SPC24: variants seen among roughly 807,000 people sequenced by gnomAD.
SPC24 encodes the protein kinetochore protein Spc24.
In SPC24, 31 loss-of-function variants were observed where a neutral mutation model predicts 27.6. That is an observed-to-expected ratio of 1.12 (90% confidence interval 0.84 to 1.52). SPC24 has a LOEUF of 1.52. Ranked by LOEUF, SPC24 falls within the 40% of genes most tolerant of loss-of-function variation. The pLI, the probability that SPC24 is intolerant of heterozygous loss-of-function variation, is 0.00. For missense variants in SPC24, 284 were observed against 252.5 expected (o/e 1.12, Z -0.84); for synonymous variants, 105 against 105.8 (o/e 0.99, Z 0.05).
Position 11,146,958 on chromosome 19 carries a change from TA to T in SPC24, c.*224del, listed in dbSNP as rs559124202. On this transcript the variant is annotated 3_prime_UTR_variant, in exon 5 of 5. Coordinates refer to ENST00000592540, the MANE Select transcript of SPC24 (RefSeq NM_182513.4). ...AGCTGGGTGTGGTGGCGCATGCCTGTAATCCCAGCTACTTTGGAGGCTGAGG... is the reference window on the plus strand; with the variant it reads ...AGCTGGGTGTGGTGGCGCATGCCTGTATCCCAGCTACTTTGGAGGCTGAGG... 2.1e-4 allele frequency: 63 copies of T among 293,320 alleles called. 1 individual carries two copies. The East Asian group carries it at 4.7e-3, about 22-fold the overall frequency. The allele number at this position is 293,320 out of a possible 1,614,324, so 18.2% of individuals were successfully genotyped here. A position where few individuals can be genotyped will look rare whatever the true frequency, so the allele number is the denominator to read the frequency against.
chr19:11,150,988 C>T (rs927120396), intron 1 of SPC24, among the ~76,000 whole-genome samples: 2 of 151,836 alleles, frequency 1.3e-5, no homozygotes, highest in East Asian at 1.9e-4. Context: ...ATGGTGAAAC[C>T]CCGTCTCTAC....
intron 4 of SPC24, 92 bp from the exon 5 acceptor site, chr19:11,147,381 G>T: frequency 1.2e-6 from 1 of 845,786 alleles, no homozygotes; most frequent in Non-Finnish European, 1.8e-6. Flanking sequence ...TTTTTTTTGA[G>T]ACAAAGTTTC....
chr19:11,147,801 C>T lies in SPC24; in HGVS notation c.487+17G>A. On this transcript the variant is annotated intron_variant, in intron 4 of 4. Coordinates refer to ENST00000592540, the MANE Select transcript of SPC24 (RefSeq NM_182513.4). Reference sequence around the variant, plus strand: ...CTACAGTGCACAAGGGTTAAAATGGCTCCCCAAAAAGGATACTGCCTTTGA... The same window carrying T: ...CTACAGTGCACAAGGGTTAAAATGGTTCCCCAAAAAGGATACTGCCTTTGA... 1.2e-6 allele frequency: 2 copies of T among 1,607,254 alleles called. No individual in the cohort carries two copies. The highest frequency in any genetic ancestry group is 8.5e-7 in the Non-Finnish European group (1 of 1,176,574).
chr19:11,152,222 A>G (rs1355945780), intron 1 of SPC24, among the ~76,000 whole-genome samples: 7 of 147,870 alleles, frequency 4.7e-5, no homozygotes, highest in Middle Eastern at 3.8e-3. Context: ...TGCTTGGCCT[A>G]TTTTTTTGAG....
intron 1 of SPC24, among the ~76,000 whole-genome samples, chr19:11,151,107 G>A (rs1187307627): frequency 1.5e-5 from 2 of 135,404 alleles, no homozygotes; most frequent in African/African-American, 5.6e-5. Flanking sequence ...AGCTTGCAGT[G>A]AGCCAAGATC....
intron 1 of SPC24, among the ~76,000 whole-genome samples, chr19:11,153,405 C>T (rs184110059): frequency 1.9e-4 from 29 of 151,356 alleles, no homozygotes; most frequent in Middle Eastern, 7.0e-3. Flanking sequence ...GCCAAGATCA[C>T]GCCACTGCAC....
intron 1 of SPC24, among the ~76,000 whole-genome samples, chr19:11,150,455 C>CA (rs1322973287): frequency 6.6e-6 from 1 of 151,350 alleles, no homozygotes; most frequent in African/African-American, 2.4e-5. Flanking sequence ...CATTGCACTC[C>CA]AGTCTGGGCG....
In SPC24 at chr19:11,153,696, G is replaced by A. The variant is rs2077890111; in HGVS notation, c.160+1921C>T. ...AATTGCTTGAACCCAGGAGGCATAG[G>A]TCGCAGTGAGCAGAGATCACGCTGC... is the stretch of plus-strand genomic sequence containing the variant. On this transcript the variant is annotated intron_variant, in intron 1 of 4. Coordinates refer to ENST00000592540, the MANE Select transcript of SPC24 (RefSeq NM_182513.4). Among the ~76,000 whole-genome samples, 3 of 149,282 alleles carry A rather than the reference G, an allele frequency of 2.0e-5. No homozygotes were observed. The South Asian group carries it at 6.4e-4, about 32-fold the overall frequency.
chr19:11,153,795 C>T (rs985558630), intron 1 of SPC24, among the ~76,000 whole-genome samples: 94 of 149,694 alleles, frequency 6.3e-4, no homozygotes, highest in Admixed American at 1.2e-3. Context: ...TGGCTGGGCA[C>T]GGTGGCTCAT....
chr19:11,153,313 G>A lies in SPC24; in HGVS notation c.160+2304C>T, dbSNP rs550274399. Among the ~76,000 whole-genome samples, 21 of 151,816 alleles carry A rather than the reference G, an allele frequency of 1.4e-4. 1 individual carries two copies. In the South Asian group the frequency reaches 3.5e-3, roughly 26 times the overall value. On this transcript the variant is annotated intron_variant, in intron 1 of 4. Transcript: ENST00000592540. ...AATACAAAAAAAAAATTAGCCGGGC[G>A]TGGTGGCGGGTGCCTGTAGTCCCAG...
chr19:11,149,193 G>A lies in SPC24; in HGVS notation c.206C>T (p.Ala69Val), dbSNP rs560930315. The A allele has an allele frequency of 9.7e-6, 15 of 1,550,538 alleles. No homozygotes were observed. The highest frequency in any genetic ancestry group is 1.8e-4 in the Middle Eastern group (1 of 5,650). ...GCCTCCCTGGTGCACCTGCTCCTTC[G>A]CATTGAGAAGGCTCTGGGCCACTTC... ...EKEVAQSLLN[A>V]KEQVHQGGVE... Residue 69 changes from alanine (A) to valine (V), a missense_variant, in exon 2 of 5, where the codon GCG becomes GTG. Transcript: ENST00000592540.
In SPC24 at chr19:11,147,767, T is replaced by C. The variant is rs182593804; in HGVS notation, c.487+51A>G. On this transcript the variant is annotated intron_variant, in intron 4 of 4. Coordinates refer to ENST00000592540, the MANE Select transcript of SPC24 (RefSeq NM_182513.4). Reference sequence around the variant, plus strand: ...CAGGGTCCTGCTATGCACCATTTTATGTCCCTACCTACAGTGCACAAGGGT... The same window carrying C: ...CAGGGTCCTGCTATGCACCATTTTACGTCCCTACCTACAGTGCACAAGGGT... 3.7e-5 allele frequency: 56 copies of C among 1,508,958 alleles called. No homozygotes were observed. In the African/African-American group the frequency reaches 7.0e-4, roughly 19 times the overall value. The allele number at this position is 1,508,958 out of a possible 1,614,324, so 93.5% of individuals were successfully genotyped here. A position where few individuals can be genotyped will look rare whatever the true frequency, so the allele number is the denominator to read the frequency against.
At chr19:11,150,064 G>A (rs2077858890) in intron 1 of SPC24, among the ~76,000 whole-genome samples, 1 of 150,678 alleles carries the variant, frequency 6.6e-6, no homozygotes. Context: ...GCAGGCGCCT[G>A]TAATCCTAGC....
chr19:11,155,406 C>T (rs1223518572), intron 1 of SPC24, among the ~76,000 whole-genome samples: 1 of 152,168 alleles, frequency 6.6e-6, no homozygotes, highest in East Asian at 1.9e-4. Context: ...CTATATTTAC[C>T]ACTAAACCCC....
intron 4 of SPC24, 100 bp downstream of exon 4, chr19:11,147,718 G>T: frequency 1.8e-6 from 2 of 1,091,890 alleles, no homozygotes; most frequent in Non-Finnish European, 2.7e-6. Context: ...ACAGATGCAC[G>T]CCACCACACC....
intron 1 of SPC24, among the ~76,000 whole-genome samples, chr19:11,154,070 T>C: frequency 5.0e-5 from 1 of 20,142 alleles, no homozygotes; most frequent in Admixed American, 3.6e-4. Flanking sequence ...CAAGACTCCG[T>C]CTCAAGGAAA....
At chr19:11,148,201 T>C in intron 2 of SPC24, 84 bp from the exon 3 acceptor site, 1 of 865,334 alleles carries the variant, frequency 1.2e-6, no homozygotes, top group Non-Finnish European at 1.9e-6. Context: ...GGGTCTTGGC[T>C]CTATTTACGC....
chr19:11,154,291 G>A (rs2077895108), intron 1 of SPC24, among the ~76,000 whole-genome samples: 1 of 152,144 alleles, frequency 6.6e-6, no homozygotes, highest in African/African-American at 2.4e-5. Flanking sequence ...TGTCATCCCA[G>A]CACTTTGGGA....
At chr19:11,154,201 C>G in intron 1 of SPC24, among the ~76,000 whole-genome samples, 1 of 152,096 alleles carries the variant, frequency 6.6e-6, no homozygotes, top group East Asian at 1.9e-4. Flanking sequence ...AAACACAATG[C>G]GGTCCATCCT....
Sources: allele counts gnomAD v4.1 joint callset (sites outside exome capture counted in the v4.1 genomes callset), GRCh38; gene constraint gnomAD v4.1.1; transcripts MANE v1.5; gene names NCBI Gene and HGNC (gene_info 2026-07-23, HGNC 2026-07-21).